Variants in TRAF6 observed in about 807,000 individuals in gnomAD.
TRAF6 encodes the protein TNF receptor-associated factor 6.
TRAF6 carries 10 observed loss-of-function variants against 48.4 expected under a neutral mutation model. The ratio of observed to expected loss-of-function variants is 0.21; its 90% CI spans 0.13 to 0.35. The LOEUF is 0.35. Among genes scored for constraint, TRAF6 ranks in the 10% least tolerant of loss-of-function variants. The pLI is 1.00. For synonymous variants in TRAF6, 186 were observed against 219.6 expected (o/e 0.85, Z 1.35); for missense variants, 397 against 661.0 (o/e 0.60, Z 4.38).
rs372794333 is a variant in TRAF6, at chr11:36,498,682, C to T, written c.297-42G>A. On this transcript the variant is annotated intron_variant, in intron 2 of 6. Transcript: ENST00000526995. ...ACACACAATTAGATTTAAAGACTCA[C>T]ATTAGAAAATCCAAACAACTTTAAT... 187 of 1,546,698 alleles carry T rather than the reference C, an allele frequency of 1.2e-4. 2 individuals carry two copies. In the Middle Eastern group the frequency reaches 2.4e-3, roughly 20 times the overall value.
chr11:36,495,109 A>G, intron 4 of TRAF6, 62 bp from the exon 5 acceptor site: 1 of 1,327,528 alleles, frequency 7.5e-7, no homozygotes, highest in Middle Eastern at 1.9e-4. Context: ...GAAAACAACT[A>G]ATTTTGATAA....
rs928150798 is a variant in TRAF6, at chr11:36,492,733, T to C, written c.679-105A>G. ...TTGTCAATGGCTGCTTTGTACCACA[T>C]TGGCAGTTGAATAGGTGCAGCATAA... On this transcript the variant is annotated intron_variant, in intron 5 of 6. Transcript: ENST00000526995. 63 of 856,356 alleles carry C rather than the reference T, an allele frequency of 7.4e-5. 1 individual carries two copies. The highest frequency in any genetic ancestry group is 1.4e-4 in the South Asian group (9 of 65,646). 53.0% of individuals were successfully genotyped at this position (856,356 alleles called of 1,614,324 possible).
At chr11:36,506,853 T>A (rs187780981) in intron 1 of TRAF6, among the ~76,000 whole-genome samples, 26 of 152,260 alleles carry the variant, frequency 1.7e-4, no homozygotes, top group Non-Finnish European at 2.6e-4. Flanking sequence ...ATAGTTATCC[T>A]TTAAGTCCAC....
chr11:36,495,433 T>C (rs2133669301), intron 4 of TRAF6, among the ~76,000 whole-genome samples: 1 of 152,308 alleles, frequency 6.6e-6, no homozygotes, highest in African/African-American at 2.4e-5. Flanking sequence ...TTCTTGTCAG[T>C]AGAGTTAAAG....
intron 2 of TRAF6, among the ~76,000 whole-genome samples, chr11:36,499,414 G>GA (rs398055161): frequency 1.8e-4 from 27 of 146,500 alleles, no homozygotes; most frequent in Middle Eastern, 6.9e-3. Flanking sequence ...CAGGGAGACA[G>GA]AAAAAAAAAA....
intron 2 of TRAF6, among the ~76,000 whole-genome samples, chr11:36,499,640 A>AC (rs1859689509): frequency 6.6e-6 from 1 of 152,200 alleles, no homozygotes; most frequent in Non-Finnish European, 1.5e-5. Flanking sequence ...TCTACCCAAA[A>AC]TAGATCTTGT....
rs750597806 is a variant in TRAF6 at position 36,490,545 on chromosome 11, A to G, written c.862T>C (p.Tyr288His). ...TGGAAATTCCGGACCTCTGAGATAT[A>G]CCCAGAGTCGGGTATAACGCTCAAA... ...HSLSVIPDSG[Y>H]ISEVRNFQET... Residue 288 changes from tyrosine to histidine, a missense_variant, in exon 7 of 7, where the codon TAT becomes CAT. By Grantham distance (83) the Tyr-to-His change is moderately conservative (BLOSUM62 2). Around this residue, in one of 4 missense-constraint regions of TRAF6, gnomAD observed 245 missense variants for 349.1 expected, o/e 0.70. Transcript: ENST00000526995. This position sits in a 1 kb window ranked among gnomAD's most constrained non-coding sequence, Gnocchi z 6.4. The G allele has an allele frequency of 1.9e-6, 3 of 1,614,054 alleles. No individual in the cohort carries two copies. Among genetic ancestry groups the G allele is most frequent in the Non-Finnish European group, 1.7e-6 (2 of 1,180,056 alleles).
chr11:36,506,136 T>TAAA (rs60452018), intron 1 of TRAF6, among the ~76,000 whole-genome samples: 1 of 147,662 alleles, frequency 6.8e-6, no homozygotes, highest in African/African-American at 2.5e-5. Context: ...TTCAATATGT[T>TAAA]AAAAAAAAAA....
chr11:36,493,393 G>A (rs1475211310), intron 5 of TRAF6, among the ~76,000 whole-genome samples: 1 of 152,086 alleles, frequency 6.6e-6, no homozygotes, highest in Non-Finnish European at 1.5e-5. Context: ...TAGAACAGGG[G>A]CCAATAAAAT....
rs1859672701 is a variant in TRAF6 at position 36,498,654 on chromosome 11, A to C, written c.297-14T>G. ...TGACCTGCATCCCTAACAGAAACAA[A>C]ATACACACAATTAGATTTAAAGACT... is the stretch of plus-strand genomic sequence containing the variant. On this transcript the variant is annotated splice_polypyrimidine_tract_variant and intron_variant, in intron 2 of 6. Transcript: ENST00000526995. 1 of 1,595,938 alleles carries C rather than the reference A, an allele frequency of 6.3e-7. No homozygotes were observed. The highest frequency in any genetic ancestry group is 1.1e-5 in the South Asian group (1 of 87,414).
intron 3 of TRAF6, among the ~76,000 whole-genome samples, chr11:36,498,285 G>A (rs908155130): frequency 6.6e-6 from 1 of 152,150 alleles, no homozygotes; most frequent in Non-Finnish European, 1.5e-5. Flanking sequence ...GCTGGGCAAA[G>A]CCAGAGTAGA....
At chr11:36,502,816 G>C (rs186040575) in intron 1 of TRAF6, among the ~76,000 whole-genome samples, 4 of 152,182 alleles carry the variant, frequency 2.6e-5, no homozygotes, top group African/African-American at 9.6e-5. Flanking sequence ...TAACCTTTCT[G>C]TGCTTCAATT....
rs12281100 is a variant in TRAF6, at chr11:36,485,223, A to G, written c.*4615T>C. On this transcript the variant is annotated 3_prime_UTR_variant, in exon 7 of 7. Transcript: ENST00000526995. ...GCTGAAGAAAAAAAGCAAAAAAAGTAACATCTGCGCCTTACCATCTAAAAT... is the reference window on the plus strand; with the variant it reads ...GCTGAAGAAAAAAAGCAAAAAAAGTGACATCTGCGCCTTACCATCTAAAAT... Among the ~76,000 whole-genome samples, 1 of 152,148 alleles carries G rather than the reference A, an allele frequency of 6.6e-6. No homozygotes were observed. Among genetic ancestry groups the G allele is most frequent in the Non-Finnish European group, 1.5e-5 (1 of 68,032 alleles).
chr11:36,505,397 T>C (rs1372644529), intron 1 of TRAF6, among the ~76,000 whole-genome samples: 1 of 152,234 alleles, frequency 6.6e-6, no homozygotes, highest in Non-Finnish European at 1.5e-5. Context: ...TTTCTTTCCT[T>C]AAACCTCATA....
In TRAF6 at chr11:36,489,763, T is replaced by G; in HGVS notation, c.*75A>C. 7.0e-7 allele frequency: 1 copy of G among 1,436,240 alleles called. No individual in the cohort carries two copies. Among genetic ancestry groups the G allele is most frequent in the Non-Finnish European group, 9.5e-7 (1 of 1,054,542 alleles). 89.0% of individuals were successfully genotyped at this position (1,436,240 alleles called of 1,614,324 possible). ...ACATATTTCCCGTGGCTTGTTTGTT[T>G]GCATGTTATTGAGAACAGGGCAAGG... On this transcript the variant is annotated 3_prime_UTR_variant, in exon 7 of 7. Transcript: ENST00000526995.
Position 36,486,168 on chromosome 11 carries a change from A to C in TRAF6, c.*3670T>G, listed in dbSNP as rs766646221. 1.6e-4 allele frequency among the ~76,000 whole-genome samples: 25 copies of C among 152,096 alleles called. No individual in the cohort carries two copies. Among genetic ancestry groups the C allele is most frequent in the Non-Finnish European group, 1.9e-4 (13 of 67,992 alleles). The stretch of plus-strand genomic sequence containing the variant: ...GATTCCCGTGCCTCAGCCTCCCAAG[A>C]AGCTGGGATTACAGGCATGTATCAT... On this transcript the variant is annotated 3_prime_UTR_variant, in exon 7 of 7. Transcript: ENST00000526995.
intron 1 of TRAF6, among the ~76,000 whole-genome samples, chr11:36,503,762 C>G (rs1859749854): frequency 6.6e-6 from 1 of 152,074 alleles, no homozygotes; most frequent in African/African-American, 2.4e-5. Context: ...CGGTATAGGG[C>G]CCCCTTTATA....
intron 1 of TRAF6, among the ~76,000 whole-genome samples, chr11:36,509,676 G>C (rs1233303940): frequency 3.9e-5 from 6 of 152,172 alleles, no homozygotes; most frequent in Non-Finnish European, 8.8e-5. Flanking sequence ...GGGGTGGAAT[G>C]AGCGAGGAAG....
intron 6 of TRAF6, among the ~76,000 whole-genome samples, chr11:36,491,004 A>C (rs759506440): frequency 6.6e-6 from 1 of 152,156 alleles, no homozygotes; most frequent in African/African-American, 2.4e-5. Flanking sequence ...GCGACACCCC[A>C]GAGATTTTAC....
Sources: allele counts gnomAD v4.1 joint callset (sites outside exome capture counted in the v4.1 genomes callset), GRCh38; gene constraint gnomAD v4.1.1; regional missense constraint gnomAD v4.1.1; non-coding constraint Gnocchi (gnomAD v3.1); transcripts MANE v1.5; gene names NCBI Gene and HGNC (gene_info 2026-07-23, HGNC 2026-07-21).